Variants in SLC39A14 observed in about 807,000 individuals in gnomAD.
SLC39A14 encodes metal cation symporter ZIP14.
SLC39A14 carries 19 observed loss-of-function variants against 45.5 expected under a neutral mutation model. That is an observed-to-expected ratio of 0.42 (90% CI 0.29 to 0.61). The LOEUF is 0.61. SLC39A14 is among the 20% of genes least tolerant of loss of function. The probability of loss-of-function intolerance (pLI) is 0.22; values close to 1 mark genes in which losing one functional copy is unlikely to be tolerated. For synonymous variants in SLC39A14, 264 were observed against 251.3 expected (o/e 1.05, Z -0.48); for missense variants, 447 against 616.5 (o/e 0.73, Z 2.91).
At chr8:22,392,249 C>T (rs1224203418) in intron 1 of SLC39A14, among the ~76,000 whole-genome samples, 2 of 152,132 alleles carry the variant, frequency 1.3e-5, no homozygotes, top group Non-Finnish European at 2.9e-5. Flanking sequence ...TAGGAAGGTG[C>T]CGGGCTCAGT....
intron 1 of SLC39A14, among the ~76,000 whole-genome samples, chr8:22,391,570 CT>C (rs140742367): frequency 5.0e-4 from 73 of 145,282 alleles, no homozygotes; most frequent in Admixed American, 9.7e-4. Flanking sequence ...GCTCCCTGTT[CT>C]TTTTTTTTTT....
chr8:22,383,858 G>C (rs561761539), intron 1 of SLC39A14, among the ~76,000 whole-genome samples: 1 of 152,260 alleles, frequency 6.6e-6, no homozygotes, highest in African/African-American at 2.4e-5. Context: ...GATGGGCTGG[G>C]TAATTCTCAG....
intron 8 of SLC39A14, among the ~76,000 whole-genome samples, chr8:22,432,030 G>A (rs575333278): frequency 6.4e-4 from 97 of 152,284 alleles, no homozygotes; most frequent in Middle Eastern, 3.4e-3. Context: ...ATTGGAACTA[G>A]GCCACTAAAA....
rs1407591503 is a variant in SLC39A14 at position 22,421,899 on chromosome 8, A to T, written c.*2201A>T. ...GTGCACACCTATATTACCTTAAGAA[A>T]TTTCCTTCCATAGACAGCTGCCTCA... On this transcript the variant is annotated 3_prime_UTR_variant, in exon 9 of 9. Transcript: ENST00000381237. The T allele has an allele frequency of 1.0e-6, 1 of 985,274 alleles. No individual in the cohort carries two copies. The highest frequency in any genetic ancestry group is 1.1e-4 in the East Asian group (1 of 8,824). 61.0% of individuals were successfully genotyped at this position (985,274 alleles called of 1,614,324 possible).
intron 8 of SLC39A14, among the ~76,000 whole-genome samples, chr8:22,418,919 C>T (rs1836050731): frequency 6.6e-6 from 1 of 152,088 alleles, no homozygotes; most frequent in Admixed American, 6.5e-5. Context: ...TGTGGAGCTA[C>T]TCAGGAGGCT....
intron 1 of SLC39A14, among the ~76,000 whole-genome samples, chr8:22,396,405 GAGAGA>G (rs1834397950): frequency 1.4e-4 from 1 of 7,000 alleles, no homozygotes; most frequent in African/African-American, 2.0e-3. Flanking sequence ...GAGAGAGAGA[GAGAGA>G]GAGGGGGGGG....
chr8:22,421,984 AG>A lies in SLC39A14; in HGVS notation c.*2290del. 1.0e-6 allele frequency: 1 copy of A among 985,434 alleles called. No individual in the cohort carries two copies. Among genetic ancestry groups the A allele is most frequent in the South Asian group, 4.7e-5 (1 of 21,284 alleles). 61.0% of individuals were successfully genotyped at this position (985,434 alleles called of 1,614,324 possible). ...AGGTCAGTCCTAGTCGGAGCTTAGGAGGGGCGGAGACGCTCACATCGTCTGA... is the reference window on the plus strand; with the variant it reads ...AGGTCAGTCCTAGTCGGAGCTTAGGAGGGCGGAGACGCTCACATCGTCTGA... On this transcript the variant is annotated 3_prime_UTR_variant, in exon 9 of 9. Transcript: ENST00000381237.
downstream of SLC39A14, chr8:22,422,765 G>A (rs572727184): frequency 3.1e-5 from 30 of 964,368 alleles, no homozygotes; most frequent in East Asian, 2.3e-4. Context: ...TCTCACTGAC[G>A]TACAAAGTTT....
rs190269357 is a variant in SLC39A14 at position 22,373,135 on chromosome 8, C to G, written c.-16+5727C>G. ...AAAATTAGCTGGGTGTGGTGGTGCA[C>G]GCCTGTAGTCCCAGCTACTCTGGAG... On this transcript the variant is annotated intron_variant, in intron 1 of 8. Transcript: ENST00000381237. Among the ~76,000 whole-genome samples, 21 of 151,728 alleles carry G rather than the reference C, an allele frequency of 1.4e-4. 3 individuals carry two copies. The highest frequency in any genetic ancestry group is 4.8e-4 in the African/African-American group (20 of 41,300).
intron 4 of SLC39A14, among the ~76,000 whole-genome samples, chr8:22,413,742 A>T (rs576808121): frequency 3.9e-5 from 6 of 152,268 alleles, no homozygotes; most frequent in African/African-American, 1.4e-4. Context: ...CCACAAAAAA[A>T]TTTAAGAATA....
At chr8:22,376,526 T>C in intron 1 of SLC39A14, among the ~76,000 whole-genome samples, 1 of 151,966 alleles carries the variant, frequency 6.6e-6, no homozygotes, top group South Asian at 2.1e-4. Context: ...CTAGATTGGC[T>C]GGTGTCTGCT....
chr8:22,409,485 C>A (rs1479683852), intron 3 of SLC39A14, among the ~76,000 whole-genome samples: 1 of 151,246 alleles, frequency 6.6e-6, no homozygotes, highest in African/African-American at 2.4e-5. Flanking sequence ...TGGGTTCAAG[C>A]GATTCTCCTG....
chr8:22,391,537 A>G (rs1375931444), intron 1 of SLC39A14, among the ~76,000 whole-genome samples: 1 of 151,704 alleles, frequency 6.6e-6, no homozygotes, highest in Admixed American at 6.6e-5. Flanking sequence ...GGAGGATAGA[A>G]TGTCCTTGGA....
chr8:22,376,842 C>T (rs898543226), intron 1 of SLC39A14, among the ~76,000 whole-genome samples: 1 of 152,020 alleles, frequency 6.6e-6, no homozygotes, highest in Non-Finnish European at 1.5e-5. Flanking sequence ...GGAGCCACTG[C>T]ACTCCAGCCT....
chr8:22,431,276 C>T (rs13276229), intron 8 of SLC39A14, among the ~76,000 whole-genome samples: 47,263 of 151,892 alleles, frequency 0.31, 7,577 homozygotes, highest in East Asian at 0.5. Context: ...CGTGAGCCAC[C>T]GTGCCTGGCC....
chr8:22,394,675 C>G (rs1486861706), intron 1 of SLC39A14, among the ~76,000 whole-genome samples: 1 of 152,140 alleles, frequency 6.6e-6, no homozygotes, highest in Non-Finnish European at 1.5e-5. Context: ...GTCCTCTTAC[C>G]ATACTTTCTG....
chr8:22,390,955 G>C (rs1834040296), intron 1 of SLC39A14, among the ~76,000 whole-genome samples: 1 of 152,130 alleles, frequency 6.6e-6, no homozygotes, highest in African/African-American at 2.4e-5. Context: ...CATTTCCCTG[G>C]TGTGGCTCAT....
intron 1 of SLC39A14, among the ~76,000 whole-genome samples, chr8:22,383,059 A>G (rs1833603288): frequency 6.6e-6 from 1 of 152,092 alleles, no homozygotes; most frequent in Non-Finnish European, 1.5e-5. Flanking sequence ...ATCCTTGTCC[A>G]TGCAGGTCTT....
At position 22,376,779 on chromosome 8, in the gene SLC39A14, G is replaced by C. The variant is rs151081638; in HGVS notation, c.-16+9371G>C. On this transcript the variant is annotated intron_variant, in intron 1 of 8. Transcript: ENST00000381237. ...TGTAATTGCAGCTACTCGGGAGGCT[G>C]AGACAGGAGAATCGCTTGAACCTGG... Among the ~76,000 whole-genome samples, 761 of 152,204 alleles carry C rather than the reference G, an allele frequency of 5.0e-3. 7 individuals are homozygous for C. The highest frequency in any genetic ancestry group is 0.017 in the African/African-American group (725 of 41,544).
Sources: allele counts gnomAD v4.1 joint callset (sites outside exome capture counted in the v4.1 genomes callset), GRCh38; gene constraint gnomAD v4.1.1; transcripts MANE v1.5; gene names NCBI Gene and HGNC (gene_info 2026-07-23, HGNC 2026-07-21).